DDX60: variants seen among roughly 807,000 people sequenced by gnomAD.
DDX60 encodes the protein DExD/H-box helicase 60, also known as probable ATP-dependent RNA helicase DDX60.
DDX60 carries 165 observed loss-of-function variants against 212.8 expected under a neutral mutation model. The ratio of observed to expected loss-of-function variants is 0.78; its 90% CI spans 0.68 to 0.88. The LOEUF (loss-of-function observed/expected upper bound fraction) is 0.88. DDX60 is among the 40% of genes least tolerant of loss of function. DDX60 has a pLI of 0.00. For missense variants in DDX60, 1,905 were observed against 2,003.9 expected (o/e 0.95, Z 0.94); for synonymous variants, 703 against 685.3 (o/e 1.03, Z -0.40).
Position 168,224,411 on chromosome 4 carries a change from T to C in DDX60, c.4682-26A>G, listed in dbSNP as rs755370439. 64 of 1,607,402 alleles carry C rather than the reference T, an allele frequency of 4.0e-5. No individual in the cohort carries two copies. The South Asian group carries it at 6.3e-4, about 16-fold the overall frequency. On this transcript the variant is annotated intron_variant, in intron 34 of 37. Transcript: ENST00000393743. Reference sequence around the variant, plus strand: ...CTGACAATAATAGTTAGGGATAGATTAGTGTTTTGAACTCAGTCAAATTGT... The same window carrying C: ...CTGACAATAATAGTTAGGGATAGATCAGTGTTTTGAACTCAGTCAAATTGT...
Position 168,280,508 on chromosome 4 carries a change from T to C in DDX60, c.1805A>G (p.Asn602Ser). The C allele has an allele frequency of 1.9e-6, 3 of 1,614,156 alleles. No individual in the cohort carries two copies. Among genetic ancestry groups the C allele is most frequent in the Non-Finnish European group, 2.5e-6 (3 of 1,180,004 alleles). The part of the protein sequence containing the change: ...REEQKEEQKW[N>S]ALSFSIEEQL... ...CTCTTCAATAGAAAATGACAAAGCATTCCACTTTTGCTCTTCCTTTTGTTC... is the reference window on the plus strand; with the variant it reads ...CTCTTCAATAGAAAATGACAAAGCACTCCACTTTTGCTCTTCCTTTTGTTC... The change falls in exon 14 of 38, where the codon AAT (asparagine) becomes AGT (serine). Residue 602 changes from asparagine to serine, a missense_variant. By Grantham distance (46) the Asn-to-Ser change is conservative. Transcript: ENST00000393743.
intron 22 of DDX60, among the ~76,000 whole-genome samples, chr4:168,263,961 T>C (rs1734731911): frequency 1.3e-5 from 2 of 152,276 alleles, no homozygotes; most frequent in Admixed American, 6.5e-5. Flanking sequence ...AAGAAGTAAA[T>C]ATAGCATGCA....
At chr4:168,285,932 G>GAAGGAA (rs1305194119) in intron 10 of DDX60, among the ~76,000 whole-genome samples, 3 of 135,530 alleles carry the variant, frequency 2.2e-5, no homozygotes, top group Non-Finnish European at 4.7e-5. Context: ...AGGAAGGAAG[G>GAAGGAA]AAGGAAGGGA....
chr4:168,288,421 A>G (rs1006968600), intron 8 of DDX60, 106 bp from the exon 9 acceptor site: 17 of 749,470 alleles, frequency 2.3e-5, no homozygotes, highest in Middle Eastern at 2.5e-4. Context: ...GATCATTCCA[A>G]TCCTTGTTTA....
chr4:168,300,189 G>A (rs929246841), intron 6 of DDX60, among the ~76,000 whole-genome samples: 1 of 151,994 alleles, frequency 6.6e-6, no homozygotes, highest in African/African-American at 2.4e-5. Context: ...GAAAAATTGT[G>A]TAATTATATC....
chr4:168,265,186 T>C (rs1263739790), intron 22 of DDX60, among the ~76,000 whole-genome samples: 1 of 152,190 alleles, frequency 6.6e-6, no homozygotes, highest in East Asian at 1.9e-4. Context: ...TGGATTCAGA[T>C]CAGCTCACTG....
intron 6 of DDX60, among the ~76,000 whole-genome samples, chr4:168,295,235 T>C (rs543762): frequency 0.034 from 5,200 of 152,322 alleles, 176 homozygotes; most frequent in African/African-American, 0.086. Flanking sequence ...TCTGGGTATG[T>C]ATCCAAAGGA....
intron 26 of DDX60, among the ~76,000 whole-genome samples, chr4:168,253,889 C>T (rs1395921801): frequency 6.6e-6 from 1 of 152,184 alleles, no homozygotes; most frequent in Admixed American, 6.5e-5. Context: ...TCACTTATCA[C>T]TTATTTGATT....
intron 24 of DDX60, among the ~76,000 whole-genome samples, 174 bp from the exon 25 acceptor site, chr4:168,261,163 C>T (rs937950236): frequency 6.6e-6 from 1 of 151,950 alleles, no homozygotes; most frequent in African/African-American, 2.4e-5. Flanking sequence ...AACATACAAA[C>T]CCATACACTA....
chr4:168,220,072 C>T (rs1732995912), intron 37 of DDX60, among the ~76,000 whole-genome samples: 1 of 151,768 alleles, frequency 6.6e-6, no homozygotes. Flanking sequence ...GATGGACATG[C>T]AACTAAGCAA....
chr4:168,297,332 A>AAGAG (rs1460508839), intron 6 of DDX60, among the ~76,000 whole-genome samples: 1 of 84,662 alleles, frequency 1.2e-5, no homozygotes, highest in African/African-American at 9.7e-5. Context: ...GAAAGAAAGA[A>AAGAG]AGAAAGAAAG....
intron 28 of DDX60, among the ~76,000 whole-genome samples, chr4:168,250,686 C>T (rs1029875067): frequency 1.1e-4 from 13 of 117,008 alleles, no homozygotes; most frequent in Non-Finnish European, 1.2e-4. Context: ...CCACCACGCC[C>T]GGCTAATTTT....
At position 168,273,356 on chromosome 4, in the gene DDX60, T is replaced by A. The variant is rs1490664920; in HGVS notation, c.2497A>T (p.Thr833Ser). The A allele has an allele frequency of 3.1e-6, 5 of 1,613,790 alleles. No individual in the cohort carries two copies. Among genetic ancestry groups the A allele is most frequent in the Non-Finnish European group, 4.2e-6 (5 of 1,179,876 alleles). Residue 833 changes from threonine to serine, a missense_variant, in exon 18 of 38, where the codon ACG becomes TCG. Coordinates refer to ENST00000393743, the MANE Select transcript of DDX60 (RefSeq NM_017631.6). ...QVAATVQNRF[T>S]KNLPSGEVLC... ...ACTTCACCACTTGGCAGATTTTTCG[T>A]AAAACGATTCTGAACAGTTGCTGCC...
intron 28 of DDX60, among the ~76,000 whole-genome samples, chr4:168,250,177 C>T (rs959585642): frequency 1.3e-5 from 2 of 152,102 alleles, no homozygotes; most frequent in Admixed American, 1.3e-4. Flanking sequence ...GGAGAGAGAA[C>T]ATAGATATAT....
At chr4:168,301,224 G>C (rs886829568) in intron 6 of DDX60, among the ~76,000 whole-genome samples, 2 of 152,106 alleles carry the variant, frequency 1.3e-5, no homozygotes, top group Non-Finnish European at 2.9e-5. Context: ...AAGGGGAGGG[G>C]TAAAATAAAC....
chr4:168,310,905 TG>T, intron 3 of DDX60, 92 bp downstream of exon 3: 1 of 699,066 alleles, frequency 1.4e-6, no homozygotes. Context: ...CATTGTTCAA[TG>T]GTCAACTGTC....
chr4:168,250,102 C>A (rs1307131846), intron 28 of DDX60, among the ~76,000 whole-genome samples: 1 of 152,212 alleles, frequency 6.6e-6, no homozygotes, highest in Non-Finnish European at 1.5e-5. Context: ...ACACACTACA[C>A]AAAACATAGC....
In DDX60 at chr4:168,297,382, GAGAAAGAAAGAAAGAAAGAAA is replaced by G. The variant is rs1736444615; in HGVS notation, c.724-3458_724-3438del. 7.8e-4 allele frequency among the ~76,000 whole-genome samples: 31 copies of G among 39,918 alleles called. No homozygotes were observed. The African/African-American group carries it at 7.9e-3, about 10-fold the overall frequency. The allele number at this position is 39,918 out of a possible 152,430, so 26.2% of individuals were successfully genotyped here. On this transcript the variant is annotated intron_variant, in intron 6 of 37. Transcript: ENST00000393743. Reference sequence around the variant, plus strand: ...AGAAAGAAAGAAAGAAAGAAAGAAAGAGAAAGAAAGAAAGAAAGAAAGACAATAAATAATTAATTCCGCAAA... The same window carrying G: ...AGAAAGAAAGAAAGAAAGAAAGAAAGGACAATAAATAATTAATTCCGCAAA...
At chr4:168,293,100 A>AGT (rs372054720) in intron 7 of DDX60, among the ~76,000 whole-genome samples, 2 of 152,030 alleles carry the variant, frequency 1.3e-5, no homozygotes, top group African/African-American at 4.8e-5. Context: ...TGAGTGTGTA[A>AGT]GTGTGTGTGT....
Sources: allele counts gnomAD v4.1 joint callset (sites outside exome capture counted in the v4.1 genomes callset), GRCh38; gene constraint gnomAD v4.1.1; transcripts MANE v1.5; gene names NCBI Gene and HGNC (gene_info 2026-07-23, HGNC 2026-07-21).